Variants in MYO1B observed in about 807,000 individuals in gnomAD.
MYO1B encodes unconventional myosin-Ib.
In MYO1B, 72 loss-of-function variants were observed where a neutral mutation model predicts 159.7. The ratio of observed to expected loss-of-function variants is 0.45; its 90% CI spans 0.37 to 0.55. The LOEUF (loss-of-function observed/expected upper bound fraction) is 0.55, where lower values mean the gene tolerates loss of function less well. MYO1B is among the 20% of genes least tolerant of loss of function. The pLI, the probability that MYO1B is intolerant of heterozygous loss-of-function variation, is 0.00. For missense variants in MYO1B, 1,062 were observed against 1,364.8 expected, an observed-to-expected ratio of 0.78 and a Z score of 3.50; for synonymous variants, 468 against 473.8, an observed-to-expected ratio of 0.99 and a Z score of 0.16.
intron 24 of MYO1B, chr2:191,407,821 G>A (rs1697021203): frequency 4.6e-6 from 1 of 217,314 alleles, no homozygotes; most frequent in Admixed American, 5.7e-5. Context: ...AATTGGGGAT[G>A]AGTTTGCAGC....
intron 1 of MYO1B, chr2:191,246,229 C>G (rs1685784001): frequency 6.6e-6 from 1 of 152,108 alleles, no homozygotes; most frequent in Non-Finnish European, 1.5e-5. Context: ...GGGATTGATT[C>G]ACGGTCCCAG....
chr2:191,281,755 A>AACC (rs1198885156), intron 2 of MYO1B, among the ~76,000 whole-genome samples: 2 of 152,192 alleles, frequency 1.3e-5, no homozygotes, highest in Non-Finnish European at 2.9e-5. Flanking sequence ...GAAACCAGAG[A>AACC]ACCAAGGTGT....
intron 26 of MYO1B, 102 bp from the exon 27 acceptor site, chr2:191,410,964 C>T (rs1697217786): frequency 1.5e-6 from 1 of 666,098 alleles, no homozygotes; most frequent in South Asian, 2.6e-5. Flanking sequence ...TGTACTTTCT[C>T]CCTTATTCTT....
intron 24 of MYO1B, among the ~76,000 whole-genome samples, chr2:191,403,420 A>C (rs1696732855): frequency 6.6e-6 from 1 of 152,208 alleles, no homozygotes; most frequent in South Asian, 2.1e-4. Flanking sequence ...AATATTCTTT[A>C]CACCATGTAA....
intron 3 of MYO1B, among the ~76,000 whole-genome samples, chr2:191,329,151 G>A (rs1691294931): frequency 1.3e-5 from 2 of 152,042 alleles, no homozygotes; most frequent in Non-Finnish European, 2.9e-5. Flanking sequence ...TAGCTAGAAG[G>A]GGCAAAATTT....
At chr2:191,333,059 A>G (rs1335683754) in intron 4 of MYO1B, among the ~76,000 whole-genome samples, 1 of 152,222 alleles carries the variant, frequency 6.6e-6, no homozygotes, top group East Asian at 1.9e-4. Context: ...ACTGAATAGG[A>G]CTGGGCCAAA....
At chr2:191,322,941 G>A (rs1232198937) in intron 3 of MYO1B, among the ~76,000 whole-genome samples, 1 of 152,110 alleles carries the variant, frequency 6.6e-6, no homozygotes, top group Non-Finnish European at 1.5e-5. Flanking sequence ...AGGGCTGCTG[G>A]TTAGCTTTTT....
intron 29 of MYO1B, among the ~76,000 whole-genome samples, chr2:191,415,589 T>TTG (rs1553565181): frequency 5.3e-5 from 8 of 151,102 alleles, no homozygotes; most frequent in African/African-American, 2.0e-4. Context: ...CATGTTTTTT[T>TTG]TTTTGTTTTG....
Position 191,308,725 on chromosome 2 carries a change from T to G in MYO1B, c.251+12499T>G, listed in dbSNP as rs191522245. Among the ~76,000 whole-genome samples, 491 of 152,340 alleles carry G rather than the reference T, an allele frequency of 3.2e-3. 1 individual carries two copies. Among genetic ancestry groups the G allele is most frequent in the Non-Finnish European group, 5.9e-3 (399 of 68,026 alleles). ...CTTTTGTAAATCACTCTAATTGGGC[T>G]TTCATCTCCCACTCCACTAAAACTT... On this transcript the variant is annotated intron_variant, in intron 3 of 30. Coordinates refer to ENST00000392318, the MANE Select transcript of MYO1B (RefSeq NM_001130158.3).
intron 7 of MYO1B, among the ~76,000 whole-genome samples, chr2:191,358,692 T>A (rs900497300): frequency 3.9e-5 from 6 of 152,246 alleles, no homozygotes; most frequent in African/African-American, 1.2e-4. Flanking sequence ...ATTGTGGAAG[T>A]GCTGCCAAAC....
At chr2:191,265,745 T>C (rs1048689093) in intron 1 of MYO1B, among the ~76,000 whole-genome samples, 1 of 152,236 alleles carries the variant, frequency 6.6e-6, no homozygotes, top group Non-Finnish European at 1.5e-5. Context: ...ATAATTAGCA[T>C]GTTCCCCTGT....
At chr2:191,275,407 G>C (rs1687691908) in intron 1 of MYO1B, among the ~76,000 whole-genome samples, 1 of 151,824 alleles carries the variant, frequency 6.6e-6, no homozygotes, top group Non-Finnish European at 1.5e-5. Flanking sequence ...CAGTAAAAAA[G>C]GATATGTTTG....
At chr2:191,373,618 T>TA (rs1165746715) in intron 13 of MYO1B, among the ~76,000 whole-genome samples, 1 of 152,072 alleles carries the variant, frequency 6.6e-6, no homozygotes, top group Non-Finnish European at 1.5e-5. Flanking sequence ...TACTAAAAAA[T>TA]ACAAAAATTA....
intron 26 of MYO1B, among the ~76,000 whole-genome samples, chr2:191,409,410 A>G (rs1697128712): frequency 6.6e-6 from 1 of 152,204 alleles, no homozygotes; most frequent in Non-Finnish European, 1.5e-5. Flanking sequence ...CGGGGAGCAC[A>G]GGGCTGCATT....
At chr2:191,360,065 G>A (rs1693566058) in intron 7 of MYO1B, among the ~76,000 whole-genome samples, 1 of 152,076 alleles carries the variant, frequency 6.6e-6, no homozygotes, top group Non-Finnish European at 1.5e-5. Context: ...CAGGTAGTGG[G>A]GCATGTGGGT....
At chr2:191,360,780 G>GTTGTTGTTA in intron 8 of MYO1B, 51 bp downstream of exon 8, 5 of 1,353,912 alleles carry the variant, frequency 3.7e-6, no homozygotes, top group Non-Finnish European at 5.2e-6. Flanking sequence ...TGTTGTTGTT[G>GTTGTTGTTA]TTGTTGTTGG....
At chr2:191,325,908 A>T (rs1459325835) in intron 3 of MYO1B, among the ~76,000 whole-genome samples, 1 of 152,162 alleles carries the variant, frequency 6.6e-6, no homozygotes, top group Non-Finnish European at 1.5e-5. Flanking sequence ...GTCTGGAAAC[A>T]TACTTAGTGC....
intron 17 of MYO1B, 198 bp downstream of exon 17, chr2:191,387,648 T>A: frequency 1.6e-6 from 1 of 609,994 alleles, no homozygotes; most frequent in Non-Finnish European, 2.9e-6. Context: ...AGTAAAAAAG[T>A]AAAGTGTGGT....
At chr2:191,325,148 A>G (rs1690969486) in intron 3 of MYO1B, among the ~76,000 whole-genome samples, 1 of 152,162 alleles carries the variant, frequency 6.6e-6, no homozygotes, top group Non-Finnish European at 1.5e-5. Context: ...CATTTTTAAA[A>G]AACACTTTTT....
Sources: gnomAD v4.1 joint callset for allele counts (sites outside exome capture counted in the v4.1 genomes callset) on GRCh38, gnomAD v4.1.1 for gene constraint, MANE v1.5 for transcripts, NCBI Gene and HGNC (gene_info 2026-07-23, HGNC 2026-07-21) for gene names.